The following TRAPPC9 variants were observed in gnomAD, a reference collection of about 807,000 sequenced individuals.
TRAPPC9 encodes trafficking protein particle complex subunit 9.
In TRAPPC9, 83 loss-of-function variants were observed where a neutral mutation model predicts 124.0. The ratio of observed to expected loss-of-function variants is 0.67; its 90% CI spans 0.56 to 0.80. TRAPPC9 has a LOEUF of 0.80. Ranked by LOEUF, TRAPPC9 falls within the 30% of genes least tolerant of loss-of-function variation. The pLI, the probability that TRAPPC9 is intolerant of heterozygous loss-of-function variation, is 0.00. For missense variants in TRAPPC9, 1,302 were observed against 1,508.3 expected (o/e 0.86, Z 2.27); for synonymous variants, 638 against 617.5 (o/e 1.03, Z -0.49).
rs1198832191 is a variant in TRAPPC9, at chr8:140,104,909, ACT to A, written c.2557-80832_2557-80831del. Among the ~76,000 whole-genome samples, 1 of 152,082 alleles carries A rather than the reference ACT, an allele frequency of 6.6e-6. No individual in the cohort carries two copies. The highest frequency in any genetic ancestry group is 1.5e-5 in the Non-Finnish European group (1 of 68,006). On this transcript the variant is annotated intron_variant, in intron 17 of 22. Transcript: ENST00000438773. The surrounding 1 kb of genome is among the most constrained non-coding windows in gnomAD (Gnocchi z 4.0). ...TAACGACATGGAGCTCCCTGAGTTG[ACT>A]CTGCCTCCGCTTGCCCCCTGGGCCT...
Position 139,856,466 on chromosome 8 carries a change from G to A in TRAPPC9, c.3055+29413C>T, listed in dbSNP as rs1386355098. 2.6e-5 allele frequency among the ~76,000 whole-genome samples: 4 copies of A among 152,136 alleles called. No individual in the cohort carries two copies. In the East Asian group the frequency reaches 7.7e-4, roughly 29 times the overall value. On this transcript the variant is annotated intron_variant, in intron 21 of 22. Coordinates refer to ENST00000438773, the MANE Select transcript of TRAPPC9 (RefSeq NM_001160372.4). ...CGGGAGGCCAGGAGACTTGGCCTTG[G>A]GAAGCGAACCCACCAGCTCCCCGCT...
rs1166693172 is a variant in TRAPPC9, at chr8:139,776,416, T to C, written c.3056-44214A>G. ...AGAGGTCACAACGAATTGGGAAGGA[T>C]GGGGTGGCACCAGGGTGAAGACACA... On this transcript the variant is annotated intron_variant, in intron 21 of 22. Coordinates refer to ENST00000438773, the MANE Select transcript of TRAPPC9 (RefSeq NM_001160372.4). The surrounding 1 kb of genome is among the most constrained non-coding windows in gnomAD (Gnocchi z 4.1). Among the ~76,000 whole-genome samples the C allele has an allele frequency of 6.6e-6, 1 of 152,156 alleles. No homozygotes were observed. The highest frequency in any genetic ancestry group is 6.5e-5 in the Admixed American group (1 of 15,272).
At chr8:139,916,340 C>T (rs1193365958) in intron 19 of TRAPPC9, 6 of 152,350 alleles carry the variant, frequency 3.9e-5, no homozygotes, top group African/African-American at 7.2e-5. Flanking sequence ...GCATCCGGTA[C>T]ATAAATAGCG....
chr8:140,324,595 C>A (rs951881256), intron 9 of TRAPPC9, among the ~76,000 whole-genome samples: 2 of 152,006 alleles, frequency 1.3e-5, no homozygotes, highest in East Asian at 1.9e-4. Flanking sequence ...ATATGGTGAG[C>A]CCTGTTTCTA....
At chr8:140,192,031 T>C (rs770259807) in intron 17 of TRAPPC9, among the ~76,000 whole-genome samples, 4 of 152,202 alleles carry the variant, frequency 2.6e-5, no homozygotes, top group East Asian at 3.8e-4. Flanking sequence ...ACCTGGCATA[T>C]AGCAAAAATT....
At chr8:140,134,177 G>T (rs144509564) in intron 17 of TRAPPC9, among the ~76,000 whole-genome samples, 176 of 152,270 alleles carry the variant, frequency 1.2e-3, no homozygotes, top group African/African-American at 3.9e-3. Context: ...AAACATTGTG[G>T]TTCTGACATA....
Position 139,814,713 on chromosome 8 carries a change from GAAAGGAAAGGAAAGGAA to G in TRAPPC9, c.3055+71149_3055+71165del, listed in dbSNP as rs551812992. 2.2e-3 allele frequency among the ~76,000 whole-genome samples: 327 copies of G among 150,482 alleles called. 2 individuals carry two copies. The highest frequency in any genetic ancestry group is 7.6e-3 in the African/African-American group (304 of 39,928). On this transcript the variant is annotated intron_variant, in intron 21 of 22. Transcript: ENST00000438773. ...ACTCTGCTAGTTAGCCTCAAAAAAA[GAAAGGAAAGGAAAGGAA>G]AAAGGAAAGGAAAGGAAGAAAAACA...
intron 21 of TRAPPC9, among the ~76,000 whole-genome samples, chr8:139,791,030 G>C (rs1299389561): frequency 2.0e-5 from 3 of 152,094 alleles, no homozygotes; most frequent in Non-Finnish European, 4.4e-5. Context: ...ATGCTTCCTG[G>C]ACAGCCTGCA....
chr8:139,792,788 G>A (rs575565680), intron 21 of TRAPPC9, among the ~76,000 whole-genome samples: 3 of 152,240 alleles, frequency 2.0e-5, no homozygotes, highest in Non-Finnish European at 4.4e-5. Context: ...ACCCCACCTG[G>A]AGCAATAGTG....
intron 17 of TRAPPC9, among the ~76,000 whole-genome samples, chr8:140,151,048 T>C (rs990672900): frequency 1.3e-5 from 2 of 151,984 alleles, no homozygotes; most frequent in Non-Finnish European, 2.9e-5. Context: ...AGCTCCCACA[T>C]TTAGGTTCAA....
chr8:140,371,342 G>C (rs2068276838), intron 7 of TRAPPC9, among the ~76,000 whole-genome samples, 162 bp from the exon 8 acceptor site: 2 of 152,376 alleles, frequency 1.3e-5, no homozygotes, highest in South Asian at 4.1e-4. Flanking sequence ...CAGGCCCCAG[G>C]TGGCTTCAGA....
In TRAPPC9 at chr8:140,416,870, T is replaced by C. The variant is rs200270643; in HGVS notation, c.886+9745A>G. Among the ~76,000 whole-genome samples, 630 of 152,014 alleles carry C rather than the reference T, an allele frequency of 4.1e-3. 6 individuals are homozygous for C. Among genetic ancestry groups the C allele is most frequent in the African/African-American group, 0.014 (601 of 41,456 alleles). ...AGCATGGTACTGGTACCAAAACAGA[T>C]ATATAGACCAATGGAACAGAACAGA... On this transcript the variant is annotated intron_variant, in intron 5 of 22. Transcript: ENST00000438773.
intron 17 of TRAPPC9, among the ~76,000 whole-genome samples, chr8:140,044,503 T>C (rs1841464416): frequency 1.3e-5 from 2 of 152,180 alleles, no homozygotes; most frequent in Admixed American, 1.3e-4. Context: ...CAGACAGCCA[T>C]GACACCACTG....
rs185322958 is a variant in TRAPPC9, at chr8:139,861,192, C to A, written c.3055+24687G>T. 4.7e-4 allele frequency among the ~76,000 whole-genome samples: 72 copies of A among 152,372 alleles called. 1 individual carries two copies. The highest frequency in any genetic ancestry group is 6.5e-4 in the African/African-American group (27 of 41,590). On this transcript the variant is annotated intron_variant, in intron 21 of 22. Coordinates refer to ENST00000438773, the MANE Select transcript of TRAPPC9 (RefSeq NM_001160372.4). ...CTTTCTGCAGAAAGGGTGCTCCTTG[C>A]AGATTAACAATGGTGAGAGCACACC... is the stretch of plus-strand genomic sequence containing the variant.
At chr8:140,327,027 G>A (rs371267325) in intron 9 of TRAPPC9, among the ~76,000 whole-genome samples, 2 of 152,114 alleles carry the variant, frequency 1.3e-5, no homozygotes, top group Non-Finnish European at 2.9e-5. Flanking sequence ...TGAGGTGAGC[G>A]GATCACCTGA....
intron 21 of TRAPPC9, among the ~76,000 whole-genome samples, chr8:139,860,964 G>A (rs752825441): frequency 1.2e-4 from 19 of 152,356 alleles, no homozygotes; most frequent in Middle Eastern, 3.4e-3. Context: ...TGTGGCTGCC[G>A]GTGGAGCAGG....
chr8:139,856,752 C>A (rs1827825158), intron 21 of TRAPPC9, among the ~76,000 whole-genome samples: 1 of 150,446 alleles, frequency 6.6e-6, no homozygotes. Flanking sequence ...AAAAAAAAAC[C>A]CAAGTGTTGA....
At chr8:140,227,112 C>T (rs987441637) in intron 16 of TRAPPC9, among the ~76,000 whole-genome samples, 1 of 152,098 alleles carries the variant, frequency 6.6e-6, no homozygotes, top group Non-Finnish European at 1.5e-5. Context: ...GAAGCTGAGC[C>T]CTTCGCCCAT....
At position 140,063,884 on chromosome 8, in the gene TRAPPC9, C is replaced by T. The variant is rs149192290; in HGVS notation, c.2557-39805G>A. 7.0e-4 allele frequency among the ~76,000 whole-genome samples: 106 copies of T among 152,212 alleles called. 1 individual carries two copies. In the Middle Eastern group the frequency reaches 0.01, roughly 15 times the overall value. On this transcript the variant is annotated intron_variant, in intron 17 of 22. Transcript: ENST00000438773. This position sits in a 1 kb window ranked among gnomAD's most constrained non-coding sequence, Gnocchi z 4.3. Reference sequence around the variant, plus strand: ...ATCACACCCCTAAATGCAAGGCACACGGGTGGCCCTGCCTCCCGAAACATG... The same window carrying T: ...ATCACACCCCTAAATGCAAGGCACATGGGTGGCCCTGCCTCCCGAAACATG...
Sources: allele counts gnomAD v4.1 joint callset (sites outside exome capture counted in the v4.1 genomes callset), GRCh38; gene constraint gnomAD v4.1.1; non-coding constraint Gnocchi (gnomAD v3.1); transcripts MANE v1.5; gene names NCBI Gene and HGNC (gene_info 2026-07-23, HGNC 2026-07-21).